The following TRABD2B variants were observed in gnomAD, a reference collection of about 807,000 sequenced individuals.
The protein encoded by TRABD2B is TraB domain containing 2B, also known as metalloprotease TIKI2.
Under a neutral mutation model 40.1 loss-of-function variants are expected in TRABD2B, and 14 were observed. The ratio of observed to expected loss-of-function variants is 0.35; its 90% confidence interval spans 0.23 to 0.55. The LOEUF is 0.55. TRABD2B is among the 20% of genes least tolerant of loss of function. The pLI, the probability that TRABD2B is intolerant of heterozygous loss-of-function variation, is 0.90. For missense variants in TRABD2B, 541 were observed against 648.6 expected, an observed-to-expected ratio of 0.83 and a Z score of 1.80; for synonymous variants, 263 against 277.0, an observed-to-expected ratio of 0.95 and a Z score of 0.50.
intron 2 of TRABD2B, among the ~76,000 whole-genome samples, chr1:47,834,587 A>G (rs1243378060): frequency 6.6e-6 from 1 of 152,002 alleles, no homozygotes. Context: ...GCGCACACAC[A>G]CACACACACA....
chr1:47,928,316 A>G (rs1460026712), intron 2 of TRABD2B, among the ~76,000 whole-genome samples: 2 of 152,234 alleles, frequency 1.3e-5, no homozygotes, highest in Non-Finnish European at 2.9e-5. Flanking sequence ...AAGAAAGCTA[A>G]CTAATTTCTC....
intron 4 of TRABD2B, among the ~76,000 whole-genome samples, chr1:47,788,857 G>A (rs1190091289): frequency 1.3e-5 from 2 of 152,224 alleles, no homozygotes; most frequent in Admixed American, 6.5e-5. Context: ...CCCTGAGTCC[G>A]GCTCATGTCT....
At chr1:47,983,341 T>G (rs1451642397) in intron 2 of TRABD2B, among the ~76,000 whole-genome samples, 1 of 151,200 alleles carries the variant, frequency 6.6e-6, no homozygotes, top group African/African-American at 2.4e-5. Flanking sequence ...AGCGTGGAGG[T>G]TAGGAGGAAG....
chr1:47,874,143 C>A (rs907988038), intron 2 of TRABD2B, among the ~76,000 whole-genome samples: 4 of 152,032 alleles, frequency 2.6e-5, no homozygotes, highest in African/African-American at 9.7e-5. Context: ...GGGTGAATTC[C>A]TGATGGGCAA....
intron 2 of TRABD2B, among the ~76,000 whole-genome samples, chr1:47,988,547 G>GCT (rs1486473319): frequency 6.6e-6 from 1 of 152,144 alleles, no homozygotes; most frequent in African/African-American, 2.4e-5. Context: ...ACAGGCTGGG[G>GCT]CTCTCCTGTC....
intron 2 of TRABD2B, among the ~76,000 whole-genome samples, chr1:47,867,906 G>T (rs1644083225): frequency 6.6e-6 from 1 of 152,162 alleles, no homozygotes; most frequent in Admixed American, 6.5e-5. Context: ...GCTTTATCAG[G>T]GGTAAAATGC....
chr1:47,945,046 G>A (rs924095759), intron 2 of TRABD2B, among the ~76,000 whole-genome samples: 11 of 152,144 alleles, frequency 7.2e-5, no homozygotes, highest in Admixed American at 2.6e-4. Context: ...TGGGGAAGTT[G>A]GGGGTGGGTG....
chr1:47,819,259 G>A (rs1645075359), intron 2 of TRABD2B: 1 of 152,404 alleles, frequency 6.6e-6, no homozygotes, highest in Non-Finnish European at 1.5e-5. Flanking sequence ...TCGCTCCAGG[G>A]CGGGAGGATC....
At chr1:47,766,756 G>C (rs971740763) in intron 6 of TRABD2B, among the ~76,000 whole-genome samples, 1 of 152,226 alleles carries the variant, frequency 6.6e-6, no homozygotes, top group African/African-American at 2.4e-5. Context: ...GTGGGAGTGG[G>C]ACGCCATGAA....
intron 2 of TRABD2B, among the ~76,000 whole-genome samples, chr1:47,924,467 T>C (rs1644945249): frequency 6.6e-6 from 1 of 152,134 alleles, no homozygotes; most frequent in Non-Finnish European, 1.5e-5. Context: ...CAAGGCTGCT[T>C]TCTCTGAGAA....
chr1:47,825,895 T>C (rs1233028356), intron 2 of TRABD2B, among the ~76,000 whole-genome samples: 3 of 152,236 alleles, frequency 2.0e-5, no homozygotes, highest in African/African-American at 4.8e-5. Flanking sequence ...ACTAACTTGC[T>C]GTGTGGAACT....
chr1:47,880,823 A>T (rs899092633), intron 2 of TRABD2B, among the ~76,000 whole-genome samples: 1 of 152,222 alleles, frequency 6.6e-6, no homozygotes, highest in African/African-American at 2.4e-5. Context: ...GAACTTTCTC[A>T]GTAATAAAGG....
chr1:47,789,780 C>T lies in TRABD2B; in HGVS notation c.988+4806G>A, dbSNP rs576018038. 5.3e-5 allele frequency among the ~76,000 whole-genome samples: 8 copies of T among 152,202 alleles called. No individual in the cohort carries two copies. In the South Asian group the frequency reaches 6.2e-4, roughly 12 times the overall value. On this transcript the variant is annotated intron_variant, in intron 4 of 6. Coordinates refer to ENST00000606738, the MANE Select transcript of TRABD2B (RefSeq NM_001194986.2). ...AAGAGGTGTCTTCCTCCACCCAAGG[C>T]GTCCTCCTCAACCCTGCACCCAAGC...
chr1:47,843,256 T>C (rs1461721677), intron 2 of TRABD2B, among the ~76,000 whole-genome samples: 1 of 152,002 alleles, frequency 6.6e-6, no homozygotes, highest in Non-Finnish European at 1.5e-5. Context: ...CCTCTGCCTG[T>C]AGAGTGGAGG....
chr1:47,909,589 G>A (rs1046546736), intron 2 of TRABD2B, among the ~76,000 whole-genome samples: 1 of 148,132 alleles, frequency 6.8e-6, no homozygotes, highest in South Asian at 2.2e-4. Flanking sequence ...GGAGGAGGAG[G>A]AGGAGGAGGA....
chr1:47,852,552 G>C (rs568088116), intron 2 of TRABD2B, among the ~76,000 whole-genome samples: 1 of 152,158 alleles, frequency 6.6e-6, no homozygotes, highest in Admixed American at 6.5e-5. Flanking sequence ...TGCTGGTCAC[G>C]TCTGGCCAGA....
chr1:47,777,840 G>A (rs916413540), intron 5 of TRABD2B, among the ~76,000 whole-genome samples: 6 of 152,184 alleles, frequency 3.9e-5, no homozygotes, highest in African/African-American at 1.4e-4. Flanking sequence ...TGGTGCTGTG[G>A]AACCACAGAT....
At position 47,997,323 on chromosome 1, in the gene TRABD2B, C is replaced by T. The variant is rs1183911288; in HGVS notation, c.-534G>A. The T allele has an allele frequency of 3.3e-5, 17 of 515,260 alleles. No individual in the cohort carries two copies. The highest frequency in any genetic ancestry group is 3.1e-4 in the African/African-American group (14 of 45,382). 31.9% of individuals were successfully genotyped at this position (515,260 alleles called of 1,614,324 possible). A position where few individuals can be genotyped will look rare whatever the true frequency, so the allele number is the denominator to read the frequency against. On this transcript the variant is annotated 5_prime_UTR_variant, in exon 1 of 7. Coordinates refer to ENST00000606738, the MANE Select transcript of TRABD2B (RefSeq NM_001194986.2). ...GAGCCCGGCTCAGAGGGGCGGCGGG[C>T]GGCCGCGCGGCCGCTGCCCGGGCTC...
chr1:47,766,131 G>A, intron 6 of TRABD2B, 25 bp from the exon 7 acceptor site: 1 of 701,432 alleles, frequency 1.4e-6, no homozygotes, highest in Non-Finnish European at 2.6e-6. Context: ...GCACATGGCA[G>A]AGTCACCATC....
Sources: allele counts gnomAD v4.1 joint callset (sites outside exome capture counted in the v4.1 genomes callset), GRCh38; gene constraint gnomAD v4.1.1; transcripts MANE v1.5; gene names NCBI Gene and HGNC (gene_info 2026-07-23, HGNC 2026-07-21).